The following TMTC2 variants were observed in gnomAD, a reference collection of about 807,000 sequenced individuals.
TMTC2 encodes the protein protein O-mannosyl-transferase TMTC2.
In TMTC2, 43 loss-of-function variants were observed where a neutral mutation model predicts 82.4. The observed-to-expected ratio is 0.52, with a 90% CI of 0.41 to 0.67. The LOEUF is 0.67. TMTC2 is among the 30% of genes least tolerant of loss of function. The pLI is 0.00. For synonymous variants in TMTC2, 408 were observed against 381.9 expected, an observed-to-expected ratio of 1.07 and a Z score of -0.80; for missense variants, 919 against 1,012.4, an observed-to-expected ratio of 0.91 and a Z score of 1.25.
chr12:82,941,973 T>A (rs574093626), intron 4 of TMTC2, among the ~76,000 whole-genome samples: 1 of 152,166 alleles, frequency 6.6e-6, no homozygotes, highest in Non-Finnish European at 1.5e-5. Flanking sequence ...CTTGAACTCC[T>A]GACTTCAAGT....
chr12:82,717,494 G>A (rs1873957851), intron 1 of TMTC2, among the ~76,000 whole-genome samples: 1 of 152,006 alleles, frequency 6.6e-6, no homozygotes, highest in Non-Finnish European at 1.5e-5. Flanking sequence ...GCCTCCCAAA[G>A]TGCTGGCATT....
intron 1 of TMTC2, among the ~76,000 whole-genome samples, chr12:82,793,054 T>C (rs1372224743): frequency 6.6e-6 from 1 of 152,140 alleles, no homozygotes; most frequent in African/African-American, 2.4e-5. Flanking sequence ...CACCTTTTGA[T>C]AGAATGAATA....
chr12:83,064,279 A>G (rs10735460), intron 11 of TMTC2, among the ~76,000 whole-genome samples: 121,064 of 151,764 alleles, frequency 0.8, 48,419 homozygotes, highest in East Asian at 0.9. Flanking sequence ...TTTGTGAAAT[A>G]GTTAATTTTA....
intron 3 of TMTC2, among the ~76,000 whole-genome samples, chr12:82,917,228 A>T (rs1875048888): frequency 6.6e-6 from 1 of 152,170 alleles, no homozygotes; most frequent in East Asian, 1.9e-4. Flanking sequence ...CCATGCAGTT[A>T]AATGGCTCTT....
At chr12:82,716,270 TAGC>T (rs1873890856) in intron 1 of TMTC2, among the ~76,000 whole-genome samples, 3 of 152,184 alleles carry the variant, frequency 2.0e-5, no homozygotes, top group African/African-American at 4.8e-5. Flanking sequence ...AGCTTGCTGG[TAGC>T]AGAATTAAAA....
chr12:83,020,484 G>A (rs895474301), intron 8 of TMTC2, among the ~76,000 whole-genome samples: 5 of 152,146 alleles, frequency 3.3e-5, no homozygotes, highest in Non-Finnish European at 5.9e-5. Context: ...GGATATACTT[G>A]TATTTACCTG....
chr12:82,859,154 G>GC (rs1454131531), intron 2 of TMTC2, among the ~76,000 whole-genome samples: 1 of 148,048 alleles, frequency 6.8e-6, no homozygotes, highest in Admixed American at 6.9e-5. Flanking sequence ...TGCAACCTCC[G>GC]CCCCCCAGGT....
intron 1 of TMTC2, among the ~76,000 whole-genome samples, chr12:82,834,654 A>G (rs1310235973): frequency 6.6e-6 from 1 of 152,184 alleles, no homozygotes; most frequent in Non-Finnish European, 1.5e-5. Flanking sequence ...AATTCTCAAA[A>G]TGACATGATT....
chr12:82,996,005 A>G (rs1486817372), intron 8 of TMTC2, among the ~76,000 whole-genome samples: 1 of 152,222 alleles, frequency 6.6e-6, no homozygotes, highest in East Asian at 1.9e-4. Flanking sequence ...TCATGTACAT[A>G]AATGCCTGAC....
intron 11 of TMTC2, among the ~76,000 whole-genome samples, chr12:83,094,684 A>G (rs1448099149): frequency 6.6e-6 from 1 of 152,222 alleles, no homozygotes; most frequent in African/African-American, 2.4e-5. Context: ...TTTGAAAAGT[A>G]TTTAGGAGAT....
intron 1 of TMTC2, among the ~76,000 whole-genome samples, chr12:82,745,406 C>G (rs1875638811): frequency 6.6e-6 from 1 of 152,172 alleles, no homozygotes; most frequent in Admixed American, 6.5e-5. Flanking sequence ...AGGTAGTGAT[C>G]TCTTTAGTGG....
chr12:82,999,177 TGA>T (rs1879805532), intron 8 of TMTC2, among the ~76,000 whole-genome samples: 4 of 152,176 alleles, frequency 2.6e-5, no homozygotes, highest in African/African-American at 9.6e-5. Context: ...CCTCTTGCTG[TGA>T]CAGTTTCTCA....
chr12:83,071,511 T>C (rs1473020016), intron 11 of TMTC2, among the ~76,000 whole-genome samples: 1 of 152,162 alleles, frequency 6.6e-6, no homozygotes, highest in Non-Finnish European at 1.5e-5. Context: ...GTATTAGGGT[T>C]ATGCTGGCTT....
chr12:82,864,049 G>T (rs1382972778), intron 2 of TMTC2, among the ~76,000 whole-genome samples: 5 of 152,086 alleles, frequency 3.3e-5, no homozygotes, highest in Non-Finnish European at 5.9e-5. Context: ...TTTGTAACTG[G>T]AGAGGTGAGG....
At chr12:82,749,199 G>T (rs1307431839) in intron 1 of TMTC2, among the ~76,000 whole-genome samples, 1 of 152,228 alleles carries the variant, frequency 6.6e-6, no homozygotes, top group African/African-American at 2.4e-5. Flanking sequence ...AGGAGTTAAA[G>T]TGGGTGGTTC....
intron 1 of TMTC2, among the ~76,000 whole-genome samples, chr12:82,727,110 A>G (rs924060978): frequency 6.6e-6 from 1 of 151,910 alleles, no homozygotes; most frequent in Non-Finnish European, 1.5e-5. Context: ...ACTAATTGAA[A>G]AAAAAAACAA....
chr12:82,905,046 T>A (rs962446966), intron 3 of TMTC2, among the ~76,000 whole-genome samples: 5 of 151,890 alleles, frequency 3.3e-5, no homozygotes, highest in African/African-American at 4.8e-5. Flanking sequence ...CTAGAACATT[T>A]CTTGGTATAT....
In TMTC2 at chr12:82,687,556, G is replaced by C; in HGVS notation, c.-31G>C. 1 of 1,582,026 alleles carries C rather than the reference G, an allele frequency of 6.3e-7. No individual in the cohort carries two copies. Among genetic ancestry groups the C allele is most frequent in the Non-Finnish European group, 8.6e-7 (1 of 1,165,164 alleles). On this transcript the variant is annotated 5_prime_UTR_variant, in exon 1 of 12. Coordinates refer to ENST00000321196, the MANE Select transcript of TMTC2 (RefSeq NM_152588.3). Reference sequence around the variant, plus strand: ...TGTTGCCGCTGCTGCCCTCGCGCTGGGAGCCGAGCCGGAGGGAAGGCGGTG... The same window carrying C: ...TGTTGCCGCTGCTGCCCTCGCGCTGCGAGCCGAGCCGGAGGGAAGGCGGTG...
At chr12:82,811,807 C>CTTTT (rs1171596880) in intron 1 of TMTC2, among the ~76,000 whole-genome samples, 18 of 91,088 alleles carry the variant, frequency 2.0e-4, no homozygotes, top group South Asian at 3.7e-4. Context: ...TGCTCTCCTT[C>CTTTT]TTTTTTTTTT....
Sources: allele counts gnomAD v4.1 joint callset (sites outside exome capture counted in the v4.1 genomes callset), GRCh38; gene constraint gnomAD v4.1.1; transcripts MANE v1.5; gene names NCBI Gene and HGNC (gene_info 2026-07-23, HGNC 2026-07-21).